The following TUT7 variants were observed in gnomAD, a reference collection of about 807,000 sequenced individuals.
TUT7 encodes terminal uridylyltransferase 7.
TUT7 carries 33 observed loss-of-function variants against 165.9 expected under a neutral mutation model. That is an observed-to-expected ratio of 0.20 (90% CI 0.15 to 0.27). TUT7 has a LOEUF of 0.27. Ranked by LOEUF, TUT7 falls within the 10% of genes least tolerant of loss-of-function variation. The pLI is 1.00. For synonymous variants in TUT7, 552 were observed against 608.1 expected (o/e 0.91, Z 1.36); for missense variants, 1,338 against 1,762.3 (o/e 0.76, Z 4.31).
rs749235332 is a variant in TUT7 at position 86,323,661 on chromosome 9, G to C, written c.2089C>G (p.Leu697Val). Residue 697 changes from leucine (L) to valine (V), a missense_variant, in exon 13 of 27, where the codon CTT becomes GTT. By Grantham distance (32) the Leu-to-Val change is conservative. Coordinates refer to ENST00000375963, the MANE Select transcript of TUT7 (RefSeq NM_024617.4). ...ANTCKVQPLT[L>V]KETAESFGSP... ...CCAAAACTTTCAGCAGTCTCTTTAA[G>C]AGTAAGTGGCTGTACCTTACAGGTA... The C allele has an allele frequency of 6.2e-7, 1 of 1,614,200 alleles. No individual in the cohort carries two copies. The highest frequency in any genetic ancestry group is 8.5e-7 in the Non-Finnish European group (1 of 1,180,024).
Position 86,333,603 on chromosome 9 carries a change from C to T in TUT7, c.1455+3816G>A, listed in dbSNP as rs1365760231. Reference sequence around the variant, plus strand: ...AGTTTCTGCTTCTCAGCTTATATTACCCATTTATTCTTGCATGTTGTCCAT... The same window carrying T: ...AGTTTCTGCTTCTCAGCTTATATTATCCATTTATTCTTGCATGTTGTCCAT... On this transcript the variant is annotated intron_variant, in intron 10 of 26. Transcript: ENST00000375963. 3.3e-5 allele frequency among the ~76,000 whole-genome samples: 5 copies of T among 152,276 alleles called. No individual in the cohort carries two copies. In the East Asian group the frequency reaches 7.7e-4, roughly 23 times the overall value.
Position 86,303,211 on chromosome 9 carries a change from C to T in TUT7, c.3979-10G>A, listed in dbSNP as rs530177414. 4.1e-6 allele frequency: 6 copies of T among 1,478,458 alleles called. 1 individual carries two copies. In the South Asian group the frequency reaches 4.7e-5, roughly 12 times the overall value. 91.6% of individuals were successfully genotyped at this position (1,478,458 alleles called of 1,614,324 possible). A position where few individuals can be genotyped will look rare whatever the true frequency, so the allele number is the denominator to read the frequency against. On this transcript the variant is annotated splice_polypyrimidine_tract_variant and intron_variant, in intron 24 of 26. Transcript: ENST00000375963. ...GATCAAAAAAGTATTCCTAGAAGAACATAAATATATAAAAGCCTGAACTAT... is the reference window on the plus strand; with the variant it reads ...GATCAAAAAAGTATTCCTAGAAGAATATAAATATATAAAAGCCTGAACTAT...
At chr9:86,297,602 AG>A in intron 26 of TUT7, among the ~76,000 whole-genome samples, 1 of 152,208 alleles carries the variant, frequency 6.6e-6, no homozygotes, top group East Asian at 1.9e-4. Flanking sequence ...CCAAGGTGGG[AG>A]GATCACATGA....
At chr9:86,323,990 T>C (rs776102087) in intron 12 of TUT7, 30 bp from the exon 13 acceptor site, 22 of 1,480,936 alleles carry the variant, frequency 1.5e-5, no homozygotes, top group Admixed American at 4.6e-5. Context: ...GAAAGAAAAA[T>C]CCATCTCTTC....
At chr9:86,317,335 G>C (rs893189792) in intron 16 of TUT7, 59 bp from the exon 17 acceptor site, 1 of 1,366,212 alleles carries the variant, frequency 7.3e-7, no homozygotes, top group Non-Finnish European at 1.0e-6. Context: ...TCTGAAACTG[G>C]CTATAGTTTC....
intron 11 of TUT7, among the ~76,000 whole-genome samples, chr9:86,328,019 T>C (rs1397325695): frequency 6.6e-6 from 1 of 152,192 alleles, no homozygotes; most frequent in Non-Finnish European, 1.5e-5. Context: ...AACTGAAAGC[T>C]AGTTAACCTT....
At chr9:86,322,742 T>C (rs1336350474) in intron 13 of TUT7, 131 bp downstream of exon 13, 1 of 1,094,074 alleles carries the variant, frequency 9.1e-7, no homozygotes, top group Non-Finnish European at 1.3e-6. Flanking sequence ...CGAGCAGTCA[T>C]ATCAGAATGA....
At chr9:86,309,818 A>G in intron 19 of TUT7, 110 bp downstream of exon 19, 2 of 1,134,956 alleles carry the variant, frequency 1.8e-6, no homozygotes, top group Non-Finnish European at 2.5e-6. Context: ...AAATAGCTAC[A>G]TGAAGCATTT....
chr9:86,295,730 TAAA>T (rs1826254304), intron 26 of TUT7, among the ~76,000 whole-genome samples: 1 of 152,170 alleles, frequency 6.6e-6, no homozygotes. Flanking sequence ...ATAAAAGCTG[TAAA>T]AGAATACATC....
intron 22 of TUT7, among the ~76,000 whole-genome samples, chr9:86,305,967 G>A (rs1827428272): frequency 6.6e-6 from 1 of 152,164 alleles, no homozygotes; most frequent in Admixed American, 6.6e-5. Context: ...CAATGCTAAT[G>A]TCAAAGATTT....
chr9:86,323,648 G>C lies in TUT7; in HGVS notation c.2102C>G (p.Ala701Gly), dbSNP rs1472172130. ...TTTTGGTGGGCTTCCAAAACTTTCA[G>C]CAGTCTCTTTAAGAGTAAGTGGCTG... ...KVQPLTLKET[A>G]ESFGSPPKEE... Residue 701 changes from alanine (A) to glycine (G), a missense_variant, in exon 13 of 27, where the codon GCT (alanine) becomes GGT (glycine). Transcript: ENST00000375963. 1 of 1,614,190 alleles carries C rather than the reference G, an allele frequency of 6.2e-7. No homozygotes were observed. The highest frequency in any genetic ancestry group is 8.5e-7 in the Non-Finnish European group (1 of 1,180,028).
intron 17 of TUT7, among the ~76,000 whole-genome samples, chr9:86,314,432 C>G (rs1049926245): frequency 2.0e-5 from 3 of 152,142 alleles, no homozygotes; most frequent in African/African-American, 7.2e-5. Flanking sequence ...TGACTGGCAA[C>G]CCCATATTTC....
At chr9:86,342,372 G>T (rs557402481) in intron 6 of TUT7, among the ~76,000 whole-genome samples, 67 of 152,274 alleles carry the variant, frequency 4.4e-4, no homozygotes, top group Middle Eastern at 3.4e-3. Flanking sequence ...TAACAGCAGA[G>T]AAATGGATAA....
intron 26 of TUT7, 103 bp downstream of exon 26, chr9:86,301,173 T>C: frequency 1.9e-6 from 2 of 1,063,228 alleles, no homozygotes; most frequent in Non-Finnish European, 2.7e-6. Context: ...TGAGTAAATA[T>C]ATTGATAAAG....
chr9:86,293,181 G>T (rs1185609785), intron 26 of TUT7, among the ~76,000 whole-genome samples: 2 of 152,020 alleles, frequency 1.3e-5, no homozygotes, highest in Non-Finnish European at 2.9e-5. Context: ...GGGCCGGGTG[G>T]AGTGGCTCAT....
Position 86,323,206 on chromosome 9 carries a change from CTCCTCT to C in TUT7, c.2538_2543del (p.Glu848_Glu849del). 6.2e-7 allele frequency: 1 copy of C among 1,614,110 alleles called. No homozygotes were observed. The highest frequency in any genetic ancestry group is 8.5e-7 in the Non-Finnish European group (1 of 1,180,030). ...CCTCCTCCTCTTCTTCGTCGTCCTC[CTCCTCT>C]TCATCAGAGGGAATCATTTCTGATG... is the stretch of plus-strand genomic sequence containing the variant. On this transcript the variant is annotated inframe_deletion, in exon 13 of 27. Transcript: ENST00000375963.
chr9:86,290,953 C>T (rs1401815247), intron 26 of TUT7, among the ~76,000 whole-genome samples: 1 of 152,022 alleles, frequency 6.6e-6, no homozygotes, highest in African/African-American at 2.4e-5. Context: ...AGTTTTAAAG[C>T]TGTTAGAAGA....
At chr9:86,343,529 C>A (rs1241914193) in intron 5 of TUT7, among the ~76,000 whole-genome samples, 1 of 152,022 alleles carries the variant, frequency 6.6e-6, no homozygotes, top group Non-Finnish European at 1.5e-5. Flanking sequence ...AAAAGAATGT[C>A]TTTGTTTAAA....
intron 7 of TUT7, 29 bp downstream of exon 7, chr9:86,340,973 A>C (rs781510422): frequency 6.3e-7 from 1 of 1,575,484 alleles, no homozygotes; most frequent in Non-Finnish European, 8.7e-7. Context: ...ACAACATAAA[A>C]ATTTTTTAAA....
Sources: gnomAD v4.1 joint callset for allele counts (sites outside exome capture counted in the v4.1 genomes callset) on GRCh38, gnomAD v4.1.1 for gene constraint, MANE v1.5 for transcripts, NCBI Gene and HGNC (gene_info 2026-07-23, HGNC 2026-07-21) for gene names.